Variants in CEP83 observed in about 807,000 individuals in gnomAD.
CEP83 encodes centrosomal protein 83.
A neutral mutation model predicts 101.9 loss-of-function variants in CEP83; 70 were observed. The observed-to-expected ratio is 0.69, with a 90% CI of 0.57 to 0.84. The LOEUF (loss-of-function observed/expected upper bound fraction) is 0.84. Ranked by LOEUF, CEP83 falls within the 40% of genes least tolerant of loss-of-function variation. CEP83 has a pLI of 0.00. For synonymous variants in CEP83, 264 were observed against 267.9 expected, an observed-to-expected ratio of 0.99 and a Z score of 0.14; for missense variants, 715 against 787.2, an observed-to-expected ratio of 0.91 and a Z score of 1.10.
At chr12:94,271,830 TTTGG>T in the CEP83 span, among the ~76,000 whole-genome samples, 284 of 152,302 alleles carry the variant, frequency 1.9e-3, no homozygotes, top group Middle Eastern at 3.4e-3. Flanking sequence ...CAGTATTCTT[TTTGG>T]TTGGTTATTT....
At chr12:94,370,838 A>C (rs932694666) in intron 8 of CEP83, among the ~76,000 whole-genome samples, 4 of 152,110 alleles carry the variant, frequency 2.6e-5, no homozygotes, top group African/African-American at 9.7e-5. Flanking sequence ...AAAAATTTAA[A>C]AATTAGCCAG....
intron 6 of CEP83, among the ~76,000 whole-genome samples, chr12:94,396,377 C>T (rs1328734988): frequency 6.6e-6 from 1 of 150,830 alleles, no homozygotes; most frequent in Non-Finnish European, 1.5e-5. Context: ...CAACCTCCAC[C>T]TCCTGGGTTC....
chr12:94,448,868 G>A (rs530109216), intron 1 of CEP83, among the ~76,000 whole-genome samples: 4 of 151,626 alleles, frequency 2.6e-5, no homozygotes, highest in Non-Finnish European at 5.9e-5. Context: ...TCCATCTTAG[G>A]AAACTAGAAA....
chr12:94,295,126 C>T, the CEP83 span, among the ~76,000 whole-genome samples: 1 of 152,214 alleles, frequency 6.6e-6, no homozygotes, highest in Non-Finnish European at 1.5e-5. Context: ...AAATTATACC[C>T]CAGTCAAGAC....
rs57982815 is a variant in CEP83 at position 94,376,749 on chromosome 12, T to A, written c.802-732A>T. Among the ~76,000 whole-genome samples, 1,096 of 126,128 alleles carry A rather than the reference T, an allele frequency of 8.7e-3. 17 individuals carry two copies. The highest frequency in any genetic ancestry group is 0.027 in the African/African-American group (747 of 27,496). 82.7% of individuals were successfully genotyped at this position (126,128 alleles called of 152,430 possible). A position where few individuals can be genotyped will look rare whatever the true frequency, so the allele number is the denominator to read the frequency against. On this transcript the variant is annotated intron_variant, in intron 7 of 16. Transcript: ENST00000397809. Reference sequence around the variant, plus strand: ...CACACACACATATATATATATATATTTTTTTTTTGAGACAAGGTCTTGCTC... The same window carrying A: ...CACACACACATATATATATATATATATTTTTTTTGAGACAAGGTCTTGCTC...
chr12:94,317,860 GT>G (rs1970970506), intron 14 of CEP83, among the ~76,000 whole-genome samples: 1 of 151,328 alleles, frequency 6.6e-6, no homozygotes, highest in Non-Finnish European at 1.5e-5. Flanking sequence ...ATGACTCCAC[GT>G]TTTTTGTTGT....
Position 94,401,552 on chromosome 12 carries a change from T to C in CEP83, c.418-571A>G, listed in dbSNP as rs1036299486. On this transcript the variant is annotated intron_variant, in intron 5 of 16. Transcript: ENST00000397809. The stretch of plus-strand genomic sequence containing the variant: ...CATCCTGCTTCCTAACAGTACTCTA[T>C]GAAAGCTGCTGGCATTCTGAATACC... 3.3e-5 allele frequency among the ~76,000 whole-genome samples: 5 copies of C among 152,246 alleles called. No individual in the cohort carries two copies. The East Asian group carries it at 9.7e-4, about 29-fold the overall frequency.
rs78522470 is a variant in CEP83 at position 94,368,342 on chromosome 12, C to A, written c.1049-141G>T. 29,528 of 618,686 alleles carry A rather than the reference C, an allele frequency of 0.048. 863 individuals carry two copies. Among genetic ancestry groups the A allele is most frequent in the Admixed American group, 0.084 (2,505 of 29,806 alleles). The allele number at this position is 618,686 out of a possible 1,614,324, so 38.3% of individuals were successfully genotyped here. ...AAATATATATTCTCAACAATACTCA[C>A]ATCATTAATAAACACTCTTAAAATA... On this transcript the variant is annotated intron_variant, in intron 9 of 16. Transcript: ENST00000397809.
At chr12:94,427,813 G>A (rs2065319835) in intron 2 of CEP83, among the ~76,000 whole-genome samples, 1 of 152,156 alleles carries the variant, frequency 6.6e-6, no homozygotes, top group Non-Finnish European at 1.5e-5. Context: ...CATTAGAAAT[G>A]AATTTCTTCA....
At chr12:94,371,917 G>T (rs1308513786) in intron 8 of CEP83, among the ~76,000 whole-genome samples, 1 of 152,166 alleles carries the variant, frequency 6.6e-6, no homozygotes, top group Admixed American at 6.5e-5. Flanking sequence ...TTAACTCGTA[G>T]ATTTTTAAAT....
upstream of CEP83, chr12:94,460,016 A>T (rs1038347242): frequency 6.6e-6 from 1 of 152,486 alleles, no homozygotes; most frequent in African/African-American, 2.4e-5. Flanking sequence ...CACGCCACCG[A>T]CGCCGGTTGC....
In CEP83 at chr12:94,372,235, G is replaced by C. The variant is rs545644924; in HGVS notation, c.934-2199C>G. Reference sequence around the variant, plus strand: ...GATCCATCCGCCTCGGCCTTCCAAAGTGCTGGGATTACAGGCGTTAAGCCA... The same window carrying C: ...GATCCATCCGCCTCGGCCTTCCAAACTGCTGGGATTACAGGCGTTAAGCCA... On this transcript the variant is annotated intron_variant, in intron 8 of 16. Transcript: ENST00000397809. Among the ~76,000 whole-genome samples, 4 of 152,286 alleles carry C rather than the reference G, an allele frequency of 2.6e-5. No homozygotes were observed. In the East Asian group the frequency reaches 7.7e-4, roughly 29 times the overall value.
At chr12:94,406,660 G>A (rs557490025) in intron 4 of CEP83, among the ~76,000 whole-genome samples, 7 of 152,268 alleles carry the variant, frequency 4.6e-5, no homozygotes, top group East Asian at 3.9e-4. Context: ...GGTGGCTCAC[G>A]CCTGTAATCC....
At chr12:94,384,182 C>T (rs913658473) in intron 6 of CEP83, among the ~76,000 whole-genome samples, 47 of 152,134 alleles carry the variant, frequency 3.1e-4, no homozygotes, top group Non-Finnish European at 1.6e-4. Context: ...GTCTTGATTT[C>T]CCCTACATTC....
chr12:94,320,095 T>C (rs1328447828), intron 14 of CEP83, among the ~76,000 whole-genome samples: 2 of 152,190 alleles, frequency 1.3e-5, no homozygotes, highest in East Asian at 3.8e-4. Context: ...CCCTTTACCA[T>C]TATGTAAACC....
chr12:94,411,422 A>AC (rs910242898), intron 4 of CEP83, among the ~76,000 whole-genome samples: 1 of 152,094 alleles, frequency 6.6e-6, no homozygotes, highest in African/African-American at 2.4e-5. Flanking sequence ...ATTCAAACTC[A>AC]CTTTTTCCCT....
At chr12:94,292,607 T>G in the CEP83 span, among the ~76,000 whole-genome samples, 3 of 152,236 alleles carry the variant, frequency 2.0e-5, no homozygotes, top group Admixed American at 1.3e-4. Flanking sequence ...CTAGAATATT[T>G]GCATACACAT....
At chr12:94,371,137 G>A (rs974311046) in intron 8 of CEP83, among the ~76,000 whole-genome samples, 4 of 152,168 alleles carry the variant, frequency 2.6e-5, no homozygotes, top group South Asian at 2.1e-4. Flanking sequence ...GTAGAGCACC[G>A]GAAGATGTGA....
rs181370238 is a variant in CEP83 at position 94,318,865 on chromosome 12, A to G, written c.1708-5848T>C. Among the ~76,000 whole-genome samples, 50 of 152,162 alleles carry G rather than the reference A, an allele frequency of 3.3e-4. 1 individual carries two copies. Among genetic ancestry groups the G allele is most frequent in the Admixed American group, 1.5e-3 (23 of 15,264 alleles). On this transcript the variant is annotated intron_variant, in intron 14 of 16. Transcript: ENST00000397809. ...CAATATTCGTCAAAGATATTGGCCT[A>G]AAGTTTTCATTGTTGTGTCTCTGCC...
Sources: allele counts gnomAD v4.1 joint callset (sites outside exome capture counted in the v4.1 genomes callset), GRCh38; gene constraint gnomAD v4.1.1; transcripts MANE v1.5; gene names NCBI Gene and HGNC (gene_info 2026-07-23, HGNC 2026-07-21).